The following DIP2C variants were observed in gnomAD, a reference collection of about 807,000 sequenced individuals.
The protein encoded by DIP2C is DIP2 acetate--CoA ligase C (putative).
DIP2C carries 33 observed loss-of-function variants against 192.4 expected under a neutral mutation model. The observed-to-expected ratio is 0.17, with a 90% CI of 0.13 to 0.23. The LOEUF is 0.23. DIP2C is among the 10% of genes least tolerant of loss of function. DIP2C has a pLI of 1.00. For synonymous variants in DIP2C, 979 were observed against 864.1 expected (o/e 1.13, Z -2.33); for missense variants, 1,537 against 2,110.1 (o/e 0.73, Z 5.32).
intron 1 of DIP2C, among the ~76,000 whole-genome samples, chr10:622,411 G>GGGGGAGGGAGGGAGGC (rs1479422756): frequency 4.6e-5 from 6 of 130,432 alleles, no homozygotes; most frequent in African/African-American, 1.4e-4. Context: ...GGGAGGGAGG[G>GGGGGAGGGAGGGAGGC]AAGAGAGGCA....
intron 1 of DIP2C, among the ~76,000 whole-genome samples, chr10:617,821 G>A (rs750870990): frequency 5.3e-5 from 8 of 151,940 alleles, no homozygotes; most frequent in Non-Finnish European, 8.8e-5. Flanking sequence ...GTGGGTAACC[G>A]CCCCCCCAGC....
intron 3 of DIP2C, among the ~76,000 whole-genome samples, chr10:448,768 C>T (rs1238967411): frequency 1.2e-4 from 16 of 138,072 alleles, no homozygotes; most frequent in South Asian, 2.5e-4. Flanking sequence ...ACCCACTCAC[C>T]CCTGTCGATA....
At chr10:540,385 G>C (rs1847913713) in intron 1 of DIP2C, among the ~76,000 whole-genome samples, 1 of 152,238 alleles carries the variant, frequency 6.6e-6, no homozygotes, top group African/African-American at 2.4e-5. Context: ...CACTTCCTGA[G>C]ATCACACAGA....
chr10:678,169 G>A (rs1830939416), intron 1 of DIP2C, among the ~76,000 whole-genome samples: 1 of 152,136 alleles, frequency 6.6e-6, no homozygotes, highest in South Asian at 2.1e-4. Flanking sequence ...CCCTACAGGT[G>A]GCTCTGGAAC....
At chr10:645,682 T>C (rs1319836722) in intron 1 of DIP2C, among the ~76,000 whole-genome samples, 1 of 152,216 alleles carries the variant, frequency 6.6e-6, no homozygotes, top group Non-Finnish European at 1.5e-5. Flanking sequence ...AACAATTATA[T>C]ACCCATCCTA....
intron 17 of DIP2C, among the ~76,000 whole-genome samples, chr10:379,416 G>C (rs527309999): frequency 6.6e-6 from 1 of 152,158 alleles, no homozygotes; most frequent in Non-Finnish European, 1.5e-5. Flanking sequence ...TATGTTGCTT[G>C]CAAGAGTGAT....
At chr10:381,225 C>T (rs908755488) in intron 17 of DIP2C, among the ~76,000 whole-genome samples, 2 of 152,110 alleles carry the variant, frequency 1.3e-5, no homozygotes, top group African/African-American at 2.4e-5. Context: ...TTCTTTCTTA[C>T]AGCATCAGCA....
At chr10:579,313 A>G (rs569860564) in intron 1 of DIP2C, among the ~76,000 whole-genome samples, 1 of 152,228 alleles carries the variant, frequency 6.6e-6, no homozygotes, top group South Asian at 2.1e-4. Flanking sequence ...ACATAGGTAC[A>G]CTATAATACG....
chr10:553,634 C>A (rs1008243429), intron 1 of DIP2C, among the ~76,000 whole-genome samples: 1 of 152,202 alleles, frequency 6.6e-6, no homozygotes, highest in African/African-American at 2.4e-5. Flanking sequence ...TAGTCCATGC[C>A]TTCAAGAAAC....
chr10:495,040 A>G (rs1188060883), intron 1 of DIP2C, among the ~76,000 whole-genome samples: 1 of 152,256 alleles, frequency 6.6e-6, no homozygotes, highest in East Asian at 1.9e-4. Flanking sequence ...AACAAATACT[A>G]TTCAACTTAA....
At chr10:299,613 T>A (rs373867440) in intron 32 of DIP2C, among the ~76,000 whole-genome samples, 1 of 152,218 alleles carries the variant, frequency 6.6e-6, no homozygotes, top group Non-Finnish European at 1.5e-5. Context: ...CAAAAGTATA[T>A]GCAGAAAACA....
At chr10:476,895 G>A (rs1487685859) in intron 2 of DIP2C, among the ~76,000 whole-genome samples, 2 of 152,002 alleles carry the variant, frequency 1.3e-5, no homozygotes, top group African/African-American at 4.8e-5. Flanking sequence ...AGGGGCATCT[G>A]TTGGGATCCT....
chr10:507,481 G>A lies in DIP2C; in HGVS notation c.86-20951C>T, dbSNP rs1011560162. On this transcript the variant is annotated intron_variant, in intron 1 of 36. Transcript: ENST00000280886. ...CGTGAGGTTACGGACTTGGTCACTC[G>A]CTGTGCACTATCAGAGGTGTGTGAG... 5.3e-5 allele frequency among the ~76,000 whole-genome samples: 8 copies of A among 150,866 alleles called. No homozygotes were observed. In the South Asian group the frequency reaches 1.1e-3, roughly 20 times the overall value.
At chr10:343,310 G>A (rs1958252724) in intron 28 of DIP2C, among the ~76,000 whole-genome samples, 4 of 152,188 alleles carry the variant, frequency 2.6e-5, no homozygotes, top group Non-Finnish European at 5.9e-5. Flanking sequence ...CATGTCACAA[G>A]TTGATCTGAA....
At chr10:289,722 G>A (rs970165510) in intron 32 of DIP2C, among the ~76,000 whole-genome samples, 6 of 152,190 alleles carry the variant, frequency 3.9e-5, no homozygotes, top group Non-Finnish European at 8.8e-5. Flanking sequence ...GGGCCCTGAG[G>A]GACCAGTCCA....
intron 28 of DIP2C, among the ~76,000 whole-genome samples, chr10:343,058 G>C (rs1958236749): frequency 6.6e-6 from 1 of 152,324 alleles, no homozygotes; most frequent in East Asian, 1.9e-4. Flanking sequence ...GGGAGGCCGA[G>C]GCGGGCAGAT....
At chr10:410,257 C>T (rs542149595) in intron 8 of DIP2C, among the ~76,000 whole-genome samples, 14 of 152,304 alleles carry the variant, frequency 9.2e-5, no homozygotes, top group African/African-American at 3.4e-4. Context: ...GGTCATACTA[C>T]GTGCTCAGCA....
intron 17 of DIP2C, among the ~76,000 whole-genome samples, chr10:381,469 AGAG>A (rs1288242924): frequency 1.3e-5 from 2 of 152,178 alleles, no homozygotes; most frequent in Non-Finnish European, 2.9e-5. Flanking sequence ...GTGGCACACC[AGAG>A]AAGACCACTG....
intron 1 of DIP2C, among the ~76,000 whole-genome samples, chr10:502,152 A>T (rs952488522): frequency 3.3e-5 from 5 of 152,152 alleles, no homozygotes; most frequent in African/African-American, 1.2e-4. Context: ...AAAAACATTC[A>T]AATTCCCACA....
Sources: allele counts gnomAD v4.1 joint callset (sites outside exome capture counted in the v4.1 genomes callset), GRCh38; gene constraint gnomAD v4.1.1; transcripts MANE v1.5; gene names NCBI Gene and HGNC (gene_info 2026-07-23, HGNC 2026-07-21).